The following NCKAP5 variants were observed in gnomAD, a reference collection of about 807,000 sequenced individuals.
The protein encoded by NCKAP5 is NCK associated protein 5.
In NCKAP5, 92 loss-of-function variants were observed where a neutral mutation model predicts 167.0. The ratio of observed to expected loss-of-function variants is 0.55; its 90% CI spans 0.47 to 0.66. The LOEUF (loss-of-function observed/expected upper bound fraction) is 0.66, where lower values mean the gene tolerates loss of function less well. Ranked by LOEUF, NCKAP5 falls within the 30% of genes least tolerant of loss-of-function variation. The probability of loss-of-function intolerance (pLI) is 0.00; values close to 1 mark genes in which losing one functional copy is unlikely to be tolerated. For missense variants in NCKAP5, 2,378 were observed against 2,315.0 expected (o/e 1.03, Z -0.56); for synonymous variants, 891 against 877.4 (o/e 1.02, Z -0.27).
chr2:132,976,689 CAT>C (rs2076987873), intron 7 of NCKAP5, among the ~76,000 whole-genome samples: 1 of 151,520 alleles, frequency 6.6e-6, no homozygotes, highest in Non-Finnish European at 1.5e-5. Flanking sequence ...TGAGGTAATG[CAT>C]ATGTTAATTA....
the NCKAP5 span, among the ~76,000 whole-genome samples, chr2:133,612,015 AT>A: frequency 6.6e-6 from 1 of 152,202 alleles, no homozygotes; most frequent in Non-Finnish European, 1.5e-5. Flanking sequence ...TCAGGTAGGT[AT>A]ACTGTTAACT....
At chr2:132,967,160 C>A (rs1048361686) in intron 7 of NCKAP5, among the ~76,000 whole-genome samples, 33 of 119,734 alleles carry the variant, frequency 2.8e-4, no homozygotes, top group Non-Finnish European at 5.0e-4. Context: ...ACTGCCCTAT[C>A]GTACACACAC....
chr2:132,948,573 GTGGAA>G (rs2076066016), intron 8 of NCKAP5, among the ~76,000 whole-genome samples: 1 of 152,166 alleles, frequency 6.6e-6, no homozygotes, highest in Non-Finnish European at 1.5e-5. Flanking sequence ...AGTCCAAAAG[GTGGAA>G]TGGCAAATGG....
chr2:133,196,416 A>G (rs1198220105), intron 5 of NCKAP5, among the ~76,000 whole-genome samples: 1 of 152,196 alleles, frequency 6.6e-6, no homozygotes, highest in Non-Finnish European at 1.5e-5. Context: ...TGGGGACAAA[A>G]GTAAGAGAAC....
intron 3 of NCKAP5, among the ~76,000 whole-genome samples, chr2:133,446,013 C>T (rs757761100): frequency 3.9e-5 from 6 of 152,104 alleles, no homozygotes; most frequent in Non-Finnish European, 8.8e-5. Flanking sequence ...AACGATTAAG[C>T]TTGTGTTCCA....
At chr2:132,780,902 G>A (rs145318054) in intron 15 of NCKAP5, 150 bp downstream of exon 15, 14 of 828,280 alleles carry the variant, frequency 1.7e-5, no homozygotes, top group East Asian at 8.4e-5. Flanking sequence ...CCAGGATTTC[G>A]CTCTCTTTTT....
At chr2:133,175,305 TTTGTCTG>T (rs768178513) in intron 5 of NCKAP5, among the ~76,000 whole-genome samples, 17 of 152,348 alleles carry the variant, frequency 1.1e-4, no homozygotes, top group Non-Finnish European at 2.1e-4. Context: ...TTTGCCCTAG[TTTGTCTG>T]TTGTCTTTTG....
chr2:133,537,323 C>T (rs1685838345), intron 2 of NCKAP5, among the ~76,000 whole-genome samples: 1 of 151,954 alleles, frequency 6.6e-6, no homozygotes, highest in African/African-American at 2.4e-5. Flanking sequence ...ATTTTGAGAT[C>T]AACTTATAAA....
intron 6 of NCKAP5, chr2:133,117,245 T>G (rs1468116767): frequency 6.6e-6 from 1 of 152,232 alleles, no homozygotes; most frequent in Non-Finnish European, 1.5e-5. Flanking sequence ...TGGCACTTGG[T>G]AATTCTCCTT....
chr2:133,247,866 C>T (rs891545071), intron 4 of NCKAP5, among the ~76,000 whole-genome samples: 1 of 152,080 alleles, frequency 6.6e-6, no homozygotes, highest in Non-Finnish European at 1.5e-5. Context: ...GTTACTTGTT[C>T]CAGAGTTACC....
At chr2:133,550,687 C>T (rs1485113736) in intron 2 of NCKAP5, among the ~76,000 whole-genome samples, 1 of 123,434 alleles carries the variant, frequency 8.1e-6, no homozygotes, top group African/African-American at 3.1e-5. Flanking sequence ...AAAACTGGCA[C>T]AAGACAGGGA....
intron 4 of NCKAP5, among the ~76,000 whole-genome samples, chr2:133,286,801 C>T (rs1392292649): frequency 3.5e-5 from 5 of 141,370 alleles, no homozygotes; most frequent in African/African-American, 2.5e-5. Context: ...GCAGTAAAGA[C>T]TGCGAAAAAA....
At chr2:133,490,215 T>C (rs1324486621) in intron 3 of NCKAP5, among the ~76,000 whole-genome samples, 1 of 152,202 alleles carries the variant, frequency 6.6e-6, no homozygotes, top group East Asian at 1.9e-4. Context: ...AGCCCAAGTG[T>C]TGAGCAACCC....
chr2:133,628,313 A>G, the NCKAP5 span, among the ~76,000 whole-genome samples: 2 of 152,184 alleles, frequency 1.3e-5, no homozygotes, highest in East Asian at 3.9e-4. Flanking sequence ...TACAAAATCA[A>G]TGTGCAAAAA....
At chr2:133,408,055 G>A (rs1688547531) in intron 3 of NCKAP5, among the ~76,000 whole-genome samples, 2 of 152,144 alleles carry the variant, frequency 1.3e-5, no homozygotes. Context: ...AAAATCAGAG[G>A]GTCCTGAGAA....
chr2:132,718,320 T>A (rs1689568395), intron 19 of NCKAP5, among the ~76,000 whole-genome samples: 1 of 152,232 alleles, frequency 6.6e-6, no homozygotes, highest in African/African-American at 2.4e-5. Flanking sequence ...TACTTGAAGA[T>A]CCTCAAAGAA....
chr2:133,041,778 T>C (rs774623185), intron 6 of NCKAP5, among the ~76,000 whole-genome samples: 10 of 152,186 alleles, frequency 6.6e-5, no homozygotes, highest in Non-Finnish European at 1.5e-4. Context: ...TCCTTTGTTC[T>C]ATATTGATTA....
intron 6 of NCKAP5, chr2:133,122,895 T>C (rs2082291945): frequency 6.6e-6 from 1 of 152,164 alleles, no homozygotes; most frequent in Non-Finnish European, 1.5e-5. Flanking sequence ...TTAAAAAGCA[T>C]AAAAAGCATT....
At chr2:132,902,291 G>A (rs570221578) in intron 8 of NCKAP5, among the ~76,000 whole-genome samples, 4 of 152,178 alleles carry the variant, frequency 2.6e-5, no homozygotes, top group Non-Finnish European at 5.9e-5. Flanking sequence ...CAGACACCAA[G>A]GGAAAAGGGA....
Sources: allele counts gnomAD v4.1 joint callset (sites outside exome capture counted in the v4.1 genomes callset), GRCh38; gene constraint gnomAD v4.1.1; transcripts MANE v1.5; gene names NCBI Gene and HGNC (gene_info 2026-07-23, HGNC 2026-07-21).